LIFR: variants seen among roughly 807,000 people sequenced by gnomAD.
LIFR encodes the protein leukemia inhibitory factor receptor.
A neutral mutation model predicts 122.2 loss-of-function variants in LIFR; 84 were observed. The observed-to-expected ratio is 0.69, with a 90% confidence interval of 0.58 to 0.82. LIFR has a LOEUF of 0.82. LIFR is among the 40% of genes least tolerant of loss of function. LIFR has a pLI of 0.00. For synonymous variants in LIFR, 422 were observed against 434.7 expected, an observed-to-expected ratio of 0.97 and a Z score of 0.36; for missense variants, 1,294 against 1,311.6, an observed-to-expected ratio of 0.99 and a Z score of 0.21.
At chr5:38,605,965 T>C (rs1750320419) in intron 2 of LIFR, among the ~76,000 whole-genome samples, 5 of 152,208 alleles carry the variant, frequency 3.3e-5, no homozygotes, top group Admixed American at 3.3e-4. Flanking sequence ...CAGGACCTCC[T>C]GAGGAAGTGT....
In LIFR at chr5:38,506,018, T is replaced by A; in HGVS notation, c.1178A>T (p.Tyr393Phe). ...TGGAAGCATTTGAAATAATAATTGA[T>A]AGCTTTCGTTTGTAGGTGCTTCAGC... ...KRAEAPTNES[Y>F]QLLFQMLPNQ... Residue 393 changes from tyrosine to phenylalanine, a missense_variant, in exon 9 of 20, where the codon TAT (tyrosine) becomes TTT (phenylalanine). Tyr to Phe is a conservative substitution (Grantham distance 22). Coordinates refer to ENST00000453190, the MANE Select transcript of LIFR (RefSeq NM_001127671.2). 6.2e-7 allele frequency: 1 copy of A among 1,607,994 alleles called. No individual in the cohort carries two copies. Among genetic ancestry groups the A allele is most frequent in the Non-Finnish European group, 8.5e-7 (1 of 1,175,956 alleles).
At chr5:38,517,030 G>A (rs1011243548) in intron 5 of LIFR, among the ~76,000 whole-genome samples, 1 of 152,006 alleles carries the variant, frequency 6.6e-6, no homozygotes, top group African/African-American at 2.4e-5. Flanking sequence ...ACACAGGGAG[G>A]GGGACATCAC....
At position 38,477,038 on chromosome 5, in the gene LIFR, A is replaced by G. The variant is rs1743757167; in HGVS notation, c.*4557T>C. 4.4e-6 allele frequency: 1 copy of G among 224,814 alleles called. No homozygotes were observed. Among genetic ancestry groups the G allele is most frequent in the African/African-American group, 2.2e-5 (1 of 44,940 alleles). The allele number at this position is 224,814 out of a possible 1,614,324, so 13.9% of individuals were successfully genotyped here. The stretch of plus-strand genomic sequence containing the variant: ...CACACTCCCTGAAACATTACCATGT[A>G]CAATAAAGCCTGAAATAGCCAACTA... On this transcript the variant is annotated 3_prime_UTR_variant, in exon 20 of 20. Coordinates refer to ENST00000453190, the MANE Select transcript of LIFR (RefSeq NM_001127671.2).
At chr5:38,529,794 A>C (rs1271459372) in intron 2 of LIFR, among the ~76,000 whole-genome samples, 3 of 152,204 alleles carry the variant, frequency 2.0e-5, no homozygotes, top group Admixed American at 6.5e-5. Flanking sequence ...GTAGCAATAA[A>C]TTATACGGCT....
chr5:38,603,016 G>A (rs917497516), intron 2 of LIFR, among the ~76,000 whole-genome samples: 5 of 152,112 alleles, frequency 3.3e-5, no homozygotes, highest in African/African-American at 1.2e-4. Flanking sequence ...TACTGCGCAC[G>A]CTTAATTCCC....
intron 6 of LIFR, among the ~76,000 whole-genome samples, chr5:38,511,348 C>G (rs1340338772): frequency 3.9e-5 from 6 of 152,094 alleles, no homozygotes; most frequent in African/African-American, 1.4e-4. Flanking sequence ...CAACATTCTC[C>G]CTGTATATGA....
At chr5:38,564,650 G>C (rs1275367968) in intron 1 of LIFR, among the ~76,000 whole-genome samples, 1 of 151,576 alleles carries the variant, frequency 6.6e-6, no homozygotes, top group Non-Finnish European at 1.5e-5. Flanking sequence ...TTTAGAGAGT[G>C]TTATTTTTGT....
Position 38,572,330 on chromosome 5 carries a change from A to T in LIFR, c.-20+22931T>A, listed in dbSNP as rs538470396. Among the ~76,000 whole-genome samples, 5 of 152,300 alleles carry T rather than the reference A, an allele frequency of 3.3e-5. No homozygotes were observed. The South Asian group carries it at 1.0e-3, about 32-fold the overall frequency. ...ATAGAGTGAGGGGAAGGTGCTACACACTTTTTAAACAACCAGATCTTGCAA... is the reference window on the plus strand; with the variant it reads ...ATAGAGTGAGGGGAAGGTGCTACACTCTTTTTAAACAACCAGATCTTGCAA... On this transcript the variant is annotated intron_variant, in intron 1 of 19. Coordinates refer to the LIFR transcript ENST00000263409.
At chr5:38,508,677 T>C (rs1053776533) in intron 7 of LIFR, among the ~76,000 whole-genome samples, 17 of 151,958 alleles carry the variant, frequency 1.1e-4, no homozygotes, top group Admixed American at 2.0e-4. Context: ...CCTGGGTTCA[T>C]GCCACTCTCC....
intron 1 of LIFR, among the ~76,000 whole-genome samples, chr5:38,538,548 C>T (rs1465688508): frequency 6.6e-6 from 1 of 152,180 alleles, no homozygotes. Flanking sequence ...CTCTTGTAGC[C>T]CCGTCTTAGC....
chr5:38,511,784 G>A lies in LIFR; in HGVS notation c.736+6C>T. The A allele has an allele frequency of 6.2e-7, 1 of 1,611,916 alleles. No homozygotes were observed. The highest frequency in any genetic ancestry group is 8.5e-7 in the Non-Finnish European group (1 of 1,178,068). On this transcript the variant is annotated splice_donor_region_variant and intron_variant, in intron 6 of 19. Coordinates refer to ENST00000453190, the MANE Select transcript of LIFR (RefSeq NM_001127671.2). ...TGAAACAAACATTCTTTAAATATAA[G>A]CTTACAAGAAATGTTCTTCACAGGG...
chr5:38,521,681 G>A (rs567606918), intron 5 of LIFR, among the ~76,000 whole-genome samples: 3 of 152,242 alleles, frequency 2.0e-5, no homozygotes, highest in African/African-American at 4.8e-5. Context: ...GTGTGGTGTG[G>A]GTGATGGCAG....
chr5:38,555,984 G>T (rs144996784), intron 1 of LIFR, among the ~76,000 whole-genome samples: 2 of 152,316 alleles, frequency 1.3e-5, no homozygotes, highest in African/African-American at 4.8e-5. Context: ...CAGGTTTAAA[G>T]GGGAGTTGAA....
At chr5:38,528,095 C>T (rs1415445400) in intron 3 of LIFR, among the ~76,000 whole-genome samples, 1 of 152,172 alleles carries the variant, frequency 6.6e-6, no homozygotes, top group Non-Finnish European at 1.5e-5. Flanking sequence ...TTCTCCAAAT[C>T]ACGCCATCTC....
intron 15 of LIFR, among the ~76,000 whole-genome samples, chr5:38,489,921 G>C (rs746466562): frequency 1.7e-4 from 24 of 144,486 alleles, no homozygotes; most frequent in Non-Finnish European, 3.0e-4. Flanking sequence ...CCTGAGCCCA[G>C]GAGGTTGAGG....
chr5:38,570,261 G>T (rs1456461851), intron 1 of LIFR, among the ~76,000 whole-genome samples: 3 of 152,192 alleles, frequency 2.0e-5, no homozygotes, highest in African/African-American at 7.2e-5. Context: ...ACATGTAAGT[G>T]TTGGCTTATA....
intron 14 of LIFR, 99 bp from the exon 15 acceptor site, chr5:38,490,390 C>T: frequency 1.9e-6 from 1 of 533,272 alleles, no homozygotes; most frequent in South Asian, 3.0e-5. Context: ...ATTTCCAAAG[C>T]TAATTTTAAA....
chr5:38,557,588 C>G (rs1748654794), upstream of LIFR: 1 of 154,784 alleles, frequency 6.5e-6, no homozygotes, highest in Non-Finnish European at 1.5e-5. Context: ...TTTGTTTCAT[C>G]TGTGATTTAT....
At chr5:38,493,117 C>T (rs941779395) in intron 14 of LIFR, among the ~76,000 whole-genome samples, 2 of 152,130 alleles carry the variant, frequency 1.3e-5, no homozygotes, top group East Asian at 1.9e-4. Flanking sequence ...AAGGGGTTCA[C>T]GGTCTTTGTG....
Sources: allele counts gnomAD v4.1 joint callset (sites outside exome capture counted in the v4.1 genomes callset), GRCh38; gene constraint gnomAD v4.1.1; transcripts MANE v1.5; gene names NCBI Gene and HGNC (gene_info 2026-07-23, HGNC 2026-07-21).